Variants in ERCC6L2 observed in about 807,000 individuals in gnomAD.
ERCC6L2 encodes the protein ERCC excision repair 6 like 2, also known as DNA excision repair protein ERCC-6-like 2.
In ERCC6L2, 77 loss-of-function variants were observed where a neutral mutation model predicts 132.0. The observed-to-expected ratio is 0.58, with a 90% CI of 0.49 to 0.71. ERCC6L2 has a LOEUF of 0.71. Among genes scored for constraint, ERCC6L2 ranks in the 30% least tolerant of loss-of-function variants. The pLI is 0.00. For synonymous variants in ERCC6L2, 583 were observed against 632.4 expected (o/e 0.92, Z 1.17); for missense variants, 1,542 against 1,837.6 (o/e 0.84, Z 2.94).
At chr9:96,003,978 C>T (rs1267775005) in intron 17 of ERCC6L2, among the ~76,000 whole-genome samples, 1 of 152,148 alleles carries the variant, frequency 6.6e-6, no homozygotes, top group African/African-American at 2.4e-5. Context: ...GAGTATGATT[C>T]CATCTATAAT....
At chr9:96,036,499 A>T (rs1163400498) in intron 19 of ERCC6L2, among the ~76,000 whole-genome samples, 2 of 152,088 alleles carry the variant, frequency 1.3e-5, no homozygotes, top group Non-Finnish European at 2.9e-5. Flanking sequence ...ATATCTCTTC[A>T]AGCGCCTGCT....
intron 2 of ERCC6L2, among the ~76,000 whole-genome samples, chr9:95,889,179 A>G (rs1344416875): frequency 6.6e-6 from 1 of 152,206 alleles, no homozygotes; most frequent in African/African-American, 2.4e-5. Flanking sequence ...CTTAAACACA[A>G]GGAACATTTC....
intron 11 of ERCC6L2, among the ~76,000 whole-genome samples, chr9:95,936,069 G>T (rs1266896894): frequency 6.6e-6 from 1 of 152,094 alleles, no homozygotes; most frequent in Non-Finnish European, 1.5e-5. Context: ...TCTAATAACA[G>T]CTCTGAAAAG....
chr9:96,024,908 CT>C (rs933201112), intron 19 of ERCC6L2, among the ~76,000 whole-genome samples: 2 of 152,198 alleles, frequency 1.3e-5, no homozygotes, highest in Non-Finnish European at 2.9e-5. Flanking sequence ...TCAGCACCAT[CT>C]TTTTTTATTT....
intron 4 of ERCC6L2, among the ~76,000 whole-genome samples, chr9:95,912,278 C>T (rs1428513197): frequency 6.6e-6 from 1 of 151,964 alleles, no homozygotes; most frequent in East Asian, 1.9e-4. Flanking sequence ...TGTCTTTGTT[C>T]TTGAGGCTTC....
At chr9:95,951,308 G>C (rs1831321812) in intron 12 of ERCC6L2, among the ~76,000 whole-genome samples, 1 of 152,084 alleles carries the variant, frequency 6.6e-6, no homozygotes, top group Non-Finnish European at 1.5e-5. Context: ...TGCAGCAAAA[G>C]TAATGCTAAG....
At chr9:96,030,437 C>T (rs1270367509) in intron 19 of ERCC6L2, among the ~76,000 whole-genome samples, 1 of 152,148 alleles carries the variant, frequency 6.6e-6, no homozygotes, top group African/African-American at 2.4e-5. Flanking sequence ...TACTCTCACG[C>T]CTGTAATCCC....
chr9:96,040,812 CG>C (rs1564315889), intron 20 of ERCC6L2, among the ~76,000 whole-genome samples: 1 of 152,240 alleles, frequency 6.6e-6, no homozygotes. Context: ...GGCGTGCCCT[CG>C]GCCATCAGTT....
chr9:96,027,426 A>T (rs1834393595), intron 19 of ERCC6L2, among the ~76,000 whole-genome samples: 1 of 152,098 alleles, frequency 6.6e-6, no homozygotes, highest in African/African-American at 2.4e-5. Flanking sequence ...TGGGCGAGGG[A>T]GGAAAGACCC....
At chr9:95,923,640 C>T (rs924315858) in intron 9 of ERCC6L2, among the ~76,000 whole-genome samples, 2 of 152,044 alleles carry the variant, frequency 1.3e-5, no homozygotes, top group Admixed American at 6.5e-5. Context: ...GGACTTATGC[C>T]CTCTTAAAAT....
chr9:95,966,779 C>G, intron 14 of ERCC6L2, 65 bp downstream of exon 14: 2 of 1,278,130 alleles, frequency 1.6e-6, no homozygotes, highest in Non-Finnish European at 2.0e-6. Flanking sequence ...CTCAGGAAAT[C>G]TGAAATACAA....
At chr9:96,026,169 A>G (rs1834359876) in intron 19 of ERCC6L2, among the ~76,000 whole-genome samples, 1 of 152,192 alleles carries the variant, frequency 6.6e-6, no homozygotes, top group Non-Finnish European at 1.5e-5. Flanking sequence ...GTGGGCAGGC[A>G]GGTCCTGGGA....
chr9:96,011,739 T>C (rs1834032326), intron 18 of ERCC6L2, among the ~76,000 whole-genome samples: 1 of 152,214 alleles, frequency 6.6e-6, no homozygotes. Context: ...GCGATTTCTA[T>C]GTTGTATTTG....
At chr9:95,962,478 CAG>C in intron 13 of ERCC6L2, among the ~76,000 whole-genome samples, 1 of 152,188 alleles carries the variant, frequency 6.6e-6, no homozygotes, top group South Asian at 2.1e-4. Context: ...CTGACAGTAA[CAG>C]AATAAATTCT....
intron 12 of ERCC6L2, among the ~76,000 whole-genome samples, chr9:95,946,974 C>A (rs978906873): frequency 7.2e-5 from 11 of 152,168 alleles, no homozygotes; most frequent in African/African-American, 2.7e-4. Context: ...TCATTCCCTC[C>A]CTTGGGCCTC....
chr9:95,924,224 T>C (rs1309612592), intron 9 of ERCC6L2, among the ~76,000 whole-genome samples: 2 of 152,138 alleles, frequency 1.3e-5, no homozygotes, highest in Non-Finnish European at 2.9e-5. Context: ...GAAATACTTT[T>C]AGCAATTGAT....
intron 17 of ERCC6L2, among the ~76,000 whole-genome samples, chr9:95,978,506 A>T (rs1832765876): frequency 6.6e-6 from 1 of 152,238 alleles, no homozygotes; most frequent in South Asian, 2.1e-4. Context: ...GGAATCATGT[A>T]GTTCAATCAG....
chr9:95,941,558 C>G lies in ERCC6L2; in HGVS notation c.1847+9C>G. On this transcript the variant is annotated intron_variant, in intron 12 of 18. Coordinates refer to ENST00000653738, the MANE Select transcript of ERCC6L2 (RefSeq NM_020207.7). ...CTTCAAGCCATTGACAGGTATAATA[C>G]TGACAAAATTTAAAGTGATCTGCAA... is the stretch of plus-strand genomic sequence containing the variant. The G allele has an allele frequency of 6.3e-7, 1 of 1,587,026 alleles. No individual in the cohort carries two copies. The highest frequency in any genetic ancestry group is 1.7e-4 in the Middle Eastern group (1 of 6,016).
intron 2 of ERCC6L2, among the ~76,000 whole-genome samples, chr9:95,886,400 A>G (rs193197931): frequency 6.6e-6 from 1 of 152,246 alleles, no homozygotes; most frequent in African/African-American, 2.4e-5. Context: ...TATTAGAGAT[A>G]ATTTTGTTCA....
Sources: allele counts gnomAD v4.1 joint callset (sites outside exome capture counted in the v4.1 genomes callset), GRCh38; gene constraint gnomAD v4.1.1; transcripts MANE v1.5; gene names NCBI Gene and HGNC (gene_info 2026-07-23, HGNC 2026-07-21).